PCDHGA3: variants seen among roughly 807,000 people sequenced by gnomAD.
PCDHGA3 encodes the protein protocadherin gamma subfamily A, 3.
A neutral mutation model predicts 58.5 loss-of-function variants in PCDHGA3; 40 were observed. The ratio of observed to expected loss-of-function variants is 0.68; its 90% CI spans 0.53 to 0.89. PCDHGA3 has a LOEUF of 0.89. Ranked by LOEUF, PCDHGA3 falls within the 40% of genes least tolerant of loss-of-function variation. The pLI is 0.00. For synonymous variants in PCDHGA3, 530 were observed against 525.7 expected (o/e 1.01, Z -0.11); for missense variants, 1,223 against 1,195.9 (o/e 1.02, Z -0.33).
intron 1 of PCDHGA3, chr5:141,370,674 G>A: frequency 1.9e-6 from 3 of 1,613,890 alleles, no homozygotes; most frequent in South Asian, 1.1e-5. Flanking sequence ...AGACCGAGAG[G>A]AGATTTGTGG....
At chr5:141,408,458 G>A (rs760881860) in intron 1 of PCDHGA3, 1 of 1,614,066 alleles carries the variant, frequency 6.2e-7, no homozygotes, top group Admixed American at 1.7e-5. Context: ...GGACTTACTT[G>A]TGAAGAACCG....
chr5:141,449,708 AT>A (rs2098652573), intron 1 of PCDHGA3, among the ~76,000 whole-genome samples: 1 of 151,520 alleles, frequency 6.6e-6, no homozygotes. Context: ...CAAACACATT[AT>A]TTTTATATGA....
intron 1 of PCDHGA3, chr5:141,356,685 C>A: frequency 1.2e-6 from 2 of 1,613,994 alleles, no homozygotes; most frequent in South Asian, 1.1e-5. Flanking sequence ...CCGAAGACAC[C>A]TTCCAGGGTG....
intron 1 of PCDHGA3, among the ~76,000 whole-genome samples, chr5:141,446,802 G>T (rs2098516342): frequency 6.6e-6 from 1 of 152,130 alleles, no homozygotes; most frequent in South Asian, 2.1e-4. Flanking sequence ...CTTCCATTGT[G>T]ATCATCTAGT....
At chr5:141,394,607 G>C (rs769750411) in intron 1 of PCDHGA3, 10 of 1,613,414 alleles carry the variant, frequency 6.2e-6, no homozygotes, top group South Asian at 2.2e-5. Context: ...ACAGAGACTC[G>C]GGCCAGAACG....
chr5:141,375,475 C>T (rs774489564), intron 1 of PCDHGA3: 2 of 1,614,002 alleles, frequency 1.2e-6, no homozygotes, highest in East Asian at 2.2e-5. Context: ...TCCTTGAAAA[C>T]AACCCCAGGG....
chr5:141,404,908 C>T, intron 1 of PCDHGA3: 1 of 1,613,882 alleles, frequency 6.2e-7, no homozygotes, highest in Non-Finnish European at 8.5e-7. Context: ...ATGGCCAGCC[C>T]CCTCTCTCGG....
intron 1 of PCDHGA3, among the ~76,000 whole-genome samples, chr5:141,349,763 G>T (rs1486188540): frequency 6.6e-6 from 1 of 151,916 alleles, no homozygotes; most frequent in African/African-American, 2.4e-5. Context: ...TCATGCCAGA[G>T]TTTATAAATA....
At chr5:141,351,925 G>C (rs763243982) in intron 1 of PCDHGA3, 5 of 1,613,306 alleles carry the variant, frequency 3.1e-6, no homozygotes, top group Non-Finnish European at 4.2e-6. Context: ...ATGACAATGC[G>C]CCACGGGTGC....
In PCDHGA3 at chr5:141,491,276, A is replaced by G; in HGVS notation, c.2425-3531A>G. The G allele has an allele frequency of 6.2e-7, 1 of 1,614,104 alleles. No individual in the cohort carries two copies. On this transcript the variant is annotated intron_variant, in intron 1 of 3. Coordinates refer to ENST00000253812, the MANE Select transcript of PCDHGA3 (RefSeq NM_018916.4). The surrounding 1 kb of genome is among the most constrained non-coding windows in gnomAD (Gnocchi z 6.9). ...CCTGAGGAAATGCCCAAATCCAGTG[A>G]CTTCCTCATACACCCTCCTGAGCGT...
In PCDHGA3 at chr5:141,344,373, T is replaced by C. The variant is rs201625446; in HGVS notation, c.340T>C (p.Leu114=). The change falls in exon 1 of 4, where the codon TTG becomes CTG. Residue 114 remains leucine, a synonymous_variant. Coordinates refer to ENST00000253812, the MANE Select transcript of PCDHGA3 (RefSeq NM_018916.4). ...AATTAACATTCTGGTTGAGGATAAA[T>C]TGAAAATTTTTGAAGTAGAAATAGA... ...VKINILVEDK[L]KIFEVEIEIK... 171 of 1,613,170 alleles carry C rather than the reference T, an allele frequency of 1.1e-4. 1 individual carries two copies. The African/African-American group carries it at 1.5e-3, about 14-fold the overall frequency.
At chr5:141,450,445 T>C (rs1490338949) in intron 1 of PCDHGA3, among the ~76,000 whole-genome samples, 1 of 152,168 alleles carries the variant, frequency 6.6e-6, no homozygotes, top group East Asian at 1.9e-4. Context: ...ATTTGTTTTA[T>C]GTTTCCTCGT....
chr5:141,375,335 TACA>T, intron 1 of PCDHGA3: 1 of 1,613,812 alleles, frequency 6.2e-7, no homozygotes, highest in Non-Finnish European at 8.5e-7. Flanking sequence ...GGTATTCTTG[TACA>T]ACATCACTGT....
chr5:141,383,635 C>G (rs1226106296), intron 1 of PCDHGA3: 6 of 1,613,966 alleles, frequency 3.7e-6, no homozygotes, highest in Non-Finnish European at 5.1e-6. Context: ...CTCTCTGCCT[C>G]AGTACCAAGT....
chr5:141,366,164 A>G (rs1316186931), intron 1 of PCDHGA3: 1 of 1,614,076 alleles, frequency 6.2e-7, no homozygotes, highest in Middle Eastern at 1.6e-4. Context: ...GCTTAAGGCC[A>G]GCGAGCCAGG....
At chr5:141,467,431 C>T (rs1452587540) in intron 1 of PCDHGA3, among the ~76,000 whole-genome samples, 1 of 152,170 alleles carries the variant, frequency 6.6e-6, no homozygotes, top group African/African-American at 2.4e-5. Flanking sequence ...GTTATAGAAA[C>T]ATTCATTACT....
intron 1 of PCDHGA3, chr5:141,420,314 A>G (rs1454977890): frequency 6.9e-7 from 1 of 1,442,692 alleles, no homozygotes; most frequent in African/African-American, 1.4e-5. Flanking sequence ...TTTATATTAC[A>G]ATATGCCAAT....
At chr5:141,400,087 G>A (rs751908680) in intron 1 of PCDHGA3, 3 of 1,614,042 alleles carry the variant, frequency 1.9e-6, no homozygotes, top group Non-Finnish European at 2.5e-6. Flanking sequence ...CTCCGCCACC[G>A]CCACGCTGCA....
At chr5:141,471,932 A>T (rs1015576042) in intron 1 of PCDHGA3, among the ~76,000 whole-genome samples, 1 of 152,158 alleles carries the variant, frequency 6.6e-6, no homozygotes, top group Non-Finnish European at 1.5e-5. Context: ...GGGGGTGATG[A>T]GAGTTTTCTA....
Sources: gnomAD v4.1 joint callset for allele counts (sites outside exome capture counted in the v4.1 genomes callset) on GRCh38, gnomAD v4.1.1 for gene constraint, Gnocchi (gnomAD v3.1) non-coding constraint, MANE v1.5 for transcripts, NCBI Gene and HGNC (gene_info 2026-07-23, HGNC 2026-07-21) for gene names.